Variants in WDFY3 observed in about 807,000 individuals in gnomAD.
WDFY3 encodes the protein WD repeat and FYVE domain containing 3.
Under a neutral mutation model 409.6 loss-of-function variants are expected in WDFY3, and 66 were observed. The observed-to-expected ratio is 0.16, with a 90% confidence interval of 0.13 to 0.20. The LOEUF (loss-of-function observed/expected upper bound fraction) is 0.20. Among genes scored for constraint, WDFY3 ranks in the 10% least tolerant of loss-of-function variants. The probability of loss-of-function intolerance (pLI) is 1.00; values close to 1 mark genes in which losing one functional copy is unlikely to be tolerated. For synonymous variants in WDFY3, 1,521 were observed against 1,537.1 expected (o/e 0.99, Z 0.25); for missense variants, 3,031 against 4,298.1 (o/e 0.71, Z 8.24).
chr4:84,880,394 A>G (rs1763326887), intron 3 of WDFY3, among the ~76,000 whole-genome samples: 1 of 152,042 alleles, frequency 6.6e-6, no homozygotes, highest in African/African-American at 2.4e-5. Flanking sequence ...ACTATTGTGT[A>G]TCAAAAATCA....
intron 45 of WDFY3, among the ~76,000 whole-genome samples, chr4:84,725,683 T>A (rs187472775): frequency 3.9e-5 from 6 of 152,298 alleles, no homozygotes; most frequent in African/African-American, 1.2e-4. Flanking sequence ...TATATAATTT[T>A]AAAAATTTTA....
intron 23 of WDFY3, among the ~76,000 whole-genome samples, chr4:84,787,191 A>G (rs147921173): frequency 6.6e-6 from 1 of 152,224 alleles, no homozygotes; most frequent in Non-Finnish European, 1.5e-5. Context: ...GAAATCACAG[A>G]AAGAGAAGAG....
chr4:84,923,379 C>G (rs1168042109), intron 2 of WDFY3, among the ~76,000 whole-genome samples: 1 of 152,206 alleles, frequency 6.6e-6, no homozygotes, highest in Non-Finnish European at 1.5e-5. Flanking sequence ...TACCCTAGCC[C>G]AAGCCCCCCC....
In WDFY3 at chr4:84,678,235, T is replaced by G. The variant is rs763058143; in HGVS notation, c.10192A>C (p.Met3398Leu). 3.1e-6 allele frequency: 5 copies of G among 1,613,994 alleles called. No individual in the cohort carries two copies. The highest frequency in any genetic ancestry group is 2.2e-5 in the East Asian group (1 of 44,870). ...RQLVFRSKLT[M>L]HTAFDRKDNA... ...TCCTTTCGATCAAAGGCTGTGTGCA[T>G]AGTCAGCTTACTCCTGAACACCAGC... The change falls in exon 66 of 68, where the codon ATG (methionine) becomes CTG (leucine). Residue 3398 changes from methionine (M) to leucine (L), a missense_variant. Transcript: ENST00000295888.
chr4:84,798,203 AGACT>A (rs369768304), intron 17 of WDFY3, 95 bp from the exon 18 acceptor site: 1 of 1,084,774 alleles, frequency 9.2e-7, no homozygotes, highest in East Asian at 2.6e-5. Context: ...AAATTCCAAC[AGACT>A]AATTACAATA....
At position 84,722,105 on chromosome 4, in the gene WDFY3, C is replaced by T. The variant is rs549612584; in HGVS notation, c.7442-533G>A. Among the ~76,000 whole-genome samples, 8 of 152,170 alleles carry T rather than the reference C, an allele frequency of 5.3e-5. No homozygotes were observed. The South Asian group carries it at 1.0e-3, about 20-fold the overall frequency. ...AGACAGCAAATTATAAACATGATTA[C>T]GACTGGGTGCAGTAGCTCACACCTA... On this transcript the variant is annotated intron_variant, in intron 46 of 67. Transcript: ENST00000295888.
intron 25 of WDFY3, among the ~76,000 whole-genome samples, chr4:84,782,221 A>C (rs531642880): frequency 6.6e-6 from 1 of 152,302 alleles, no homozygotes; most frequent in South Asian, 2.1e-4. Context: ...ATTAACAAAA[A>C]CTCATGAGCT....
intron 4 of WDFY3, among the ~76,000 whole-genome samples, chr4:84,854,262 A>C (rs1413565049): frequency 6.6e-6 from 1 of 152,150 alleles, no homozygotes; most frequent in Non-Finnish European, 1.5e-5. Flanking sequence ...TGGGGTGTAC[A>C]GGAATGAAAA....
chr4:84,676,695 A>C (rs1726360380), intron 67 of WDFY3, among the ~76,000 whole-genome samples: 1 of 152,198 alleles, frequency 6.6e-6, no homozygotes. Context: ...ATATTACAAT[A>C]AGATATCTAT....
chr4:84,866,773 T>A (rs555762798), intron 3 of WDFY3, among the ~76,000 whole-genome samples: 1 of 152,238 alleles, frequency 6.6e-6, no homozygotes, highest in African/African-American at 2.4e-5. Context: ...CTTCATTCCT[T>A]CGTTACTTGT....
chr4:84,893,359 C>T (rs1295327106), intron 3 of WDFY3, among the ~76,000 whole-genome samples: 1 of 152,174 alleles, frequency 6.6e-6, no homozygotes, highest in Non-Finnish European at 1.5e-5. Context: ...CAATTTGCTT[C>T]AAGGTTCACA....
At position 84,820,078 on chromosome 4, in the gene WDFY3, A is replaced by C; in HGVS notation, c.1693+7T>G. 15 of 1,591,432 alleles carry C rather than the reference A, an allele frequency of 9.4e-6. No homozygotes were observed. Among genetic ancestry groups the C allele is most frequent in the Non-Finnish European group, 1.3e-5 (15 of 1,168,996 alleles). On this transcript the variant is annotated splice_region_variant and intron_variant, in intron 12 of 67. Coordinates refer to ENST00000295888, the MANE Select transcript of WDFY3 (RefSeq NM_014991.6). The stretch of plus-strand genomic sequence containing the variant: ...CCAAAGTATTTGCTTGCAGCTTTTT[A>C]AATTACCTGCATTTGTGTTTGATCC...
intron 53 of WDFY3, among the ~76,000 whole-genome samples, chr4:84,707,403 G>C (rs1732147884): frequency 6.6e-6 from 1 of 152,158 alleles, no homozygotes; most frequent in Non-Finnish European, 1.5e-5. Flanking sequence ...TACACTGATG[G>C]AGACAAAGGT....
intron 50 of WDFY3, among the ~76,000 whole-genome samples, chr4:84,714,992 T>A (rs1733614979): frequency 6.6e-6 from 1 of 151,988 alleles, no homozygotes; most frequent in Non-Finnish European, 1.5e-5. Flanking sequence ...ACTAAAGTTT[T>A]ATTTTTAAAG....
intron 8 of WDFY3, 28 bp downstream of exon 8, chr4:84,831,385 A>T: frequency 2.1e-6 from 3 of 1,407,392 alleles, no homozygotes; most frequent in Non-Finnish European, 1.9e-6. Flanking sequence ...GAAATTTAGA[A>T]CACTTAAATA....
chr4:84,733,172 T>C (rs762772549), intron 44 of WDFY3, among the ~76,000 whole-genome samples: 6 of 152,196 alleles, frequency 3.9e-5, no homozygotes, highest in Non-Finnish European at 8.8e-5. Flanking sequence ...CTCTGGAGTC[T>C]GTAATCTAAA....
intron 4 of WDFY3, among the ~76,000 whole-genome samples, chr4:84,851,664 CAGAAG>C (rs1759028438): frequency 6.6e-6 from 1 of 152,076 alleles, no homozygotes; most frequent in Non-Finnish European, 1.5e-5. Flanking sequence ...CTCAAAGATA[CAGAAG>C]AGAAAACCTG....
chr4:84,675,022 G>A (rs796153113), intron 67 of WDFY3, among the ~76,000 whole-genome samples: 4 of 151,818 alleles, frequency 2.6e-5, no homozygotes, highest in African/African-American at 7.2e-5. Flanking sequence ...GCTGGATGGA[G>A]TGCAGTGGCG....
intron 53 of WDFY3, among the ~76,000 whole-genome samples, chr4:84,707,430 C>T (rs907885308): frequency 6.6e-6 from 1 of 152,144 alleles, no homozygotes; most frequent in African/African-American, 2.4e-5. Context: ...GCCTTGGCCA[C>T]TGAGCAGACA....
Sources: gnomAD v4.1 joint callset for allele counts (sites outside exome capture counted in the v4.1 genomes callset) on GRCh38, gnomAD v4.1.1 for gene constraint, MANE v1.5 for transcripts, NCBI Gene and HGNC (gene_info 2026-07-23, HGNC 2026-07-21) for gene names.